The following PCDH15 variants were observed in gnomAD, a reference collection of about 807,000 sequenced individuals.
PCDH15 encodes protocadherin related 15, also known as protocadherin-15.
In PCDH15, 129 loss-of-function variants were observed where a neutral mutation model predicts 178.5. The observed-to-expected ratio is 0.72, with a 90% CI of 0.63 to 0.84. PCDH15 has a LOEUF of 0.84. Among genes scored for constraint, PCDH15 ranks in the 40% least tolerant of loss-of-function variants. The pLI, the probability that PCDH15 is intolerant of heterozygous loss-of-function variation, is 0.00. For missense variants in PCDH15, 2,230 were observed against 2,099.9 expected, an observed-to-expected ratio of 1.06 and a Z score of -1.21; for synonymous variants, 800 against 732.0, an observed-to-expected ratio of 1.09 and a Z score of -1.50.
At chr10:54,655,271 A>G (rs2094360119) in intron 2 of PCDH15, among the ~76,000 whole-genome samples, 1 of 115,702 alleles carries the variant, frequency 8.6e-6, no homozygotes, top group African/African-American at 3.3e-5. Context: ...AGAGAGAGAG[A>G]GAGAGAGAGA....
intron 16 of PCDH15, among the ~76,000 whole-genome samples, chr10:54,081,076 T>C (rs775705186): frequency 6.6e-6 from 1 of 152,150 alleles, no homozygotes; most frequent in Non-Finnish European, 1.5e-5. Flanking sequence ...GTATATTGTA[T>C]ATTTACGATG....
At chr10:54,942,604 CTT>C (rs1838092647) in intron 2 of PCDH15, among the ~76,000 whole-genome samples, 3 of 151,992 alleles carry the variant, frequency 2.0e-5, no homozygotes, top group Non-Finnish European at 4.4e-5. Flanking sequence ...CCTGGAATGA[CTT>C]ATCACAGCCA....
rs189652766 is a variant in PCDH15 at position 53,932,678 on chromosome 10, C to T, written c.3373+6137G>A. ...ACAAAGTCACTTCTAAATTTTAATT[C>T]GCGTGACCATTTTCAATTCTCCTCG... On this transcript the variant is annotated intron_variant, in intron 25 of 37. Coordinates refer to ENST00000644397, the MANE Select transcript of PCDH15 (RefSeq NM_001384140.1). Among the ~76,000 whole-genome samples the T allele has an allele frequency of 4.6e-5, 7 of 152,232 alleles. No homozygotes were observed. In the East Asian group the frequency reaches 9.7e-4, roughly 21 times the overall value.
chr10:54,302,602 T>C (rs2060207672), intron 8 of PCDH15, among the ~76,000 whole-genome samples: 2 of 152,152 alleles, frequency 1.3e-5, no homozygotes. Flanking sequence ...GGTGCCTTTA[T>C]CTTAGAATGC....
intron 2 of PCDH15, among the ~76,000 whole-genome samples, chr10:55,432,340 A>T (rs187084578): frequency 3.3e-5 from 5 of 152,314 alleles, no homozygotes; most frequent in Admixed American, 3.3e-4. Flanking sequence ...TATAGAAATG[A>T]TGTTTTAATA....
chr10:53,998,698 G>A (rs1407217993), intron 20 of PCDH15, among the ~76,000 whole-genome samples: 1 of 152,030 alleles, frequency 6.6e-6, no homozygotes, highest in Admixed American at 6.6e-5. Context: ...CTATAGAACA[G>A]TTTTTATTTA....
intron 26 of PCDH15, among the ~76,000 whole-genome samples, chr10:53,874,213 C>A (rs913628552): frequency 6.6e-6 from 1 of 152,034 alleles, no homozygotes; most frequent in Non-Finnish European, 1.5e-5. Flanking sequence ...AGGCAAGGCC[C>A]CAAGCCTACT....
chr10:54,475,610 CTTAT>C (rs1565370393), intron 3 of PCDH15, among the ~76,000 whole-genome samples: 2 of 151,892 alleles, frequency 1.3e-5, no homozygotes, highest in South Asian at 2.1e-4. Context: ...TGAAATATAT[CTTAT>C]TTATACATAT....
At chr10:54,592,786 C>T (rs11004398) in intron 2 of PCDH15, among the ~76,000 whole-genome samples, 4,868 of 152,142 alleles carry the variant, frequency 0.032, 261 homozygotes, top group African/African-American at 0.11. Flanking sequence ...CCATAATGGC[C>T]ACACCAATTT....
chr10:54,440,651 C>T (rs888808546), intron 3 of PCDH15, among the ~76,000 whole-genome samples: 44 of 151,804 alleles, frequency 2.9e-4, no homozygotes, highest in African/African-American at 8.0e-4. Flanking sequence ...ATAGGTTGTC[C>T]ATTAAAAAAC....
intron 1 of PCDH15, among the ~76,000 whole-genome samples, chr10:55,222,494 CTT>C (rs1840905685): frequency 6.6e-6 from 1 of 151,570 alleles, no homozygotes; most frequent in Non-Finnish European, 1.5e-5. Context: ...ATATGTCTGT[CTT>C]TTTATTTTTA....
At chr10:54,426,593 C>T (rs1208479749) in intron 3 of PCDH15, among the ~76,000 whole-genome samples, 1 of 152,062 alleles carries the variant, frequency 6.6e-6, no homozygotes, top group African/African-American at 2.4e-5. Flanking sequence ...CATTTGCACA[C>T]GTCTCTCATG....
At chr10:55,616,024 A>G (rs1012024008) in intron 2 of PCDH15, among the ~76,000 whole-genome samples, 1 of 152,224 alleles carries the variant, frequency 6.6e-6, no homozygotes, top group Non-Finnish European at 1.5e-5. Context: ...TGGAGTCACC[A>G]CTGACAATTG....
In PCDH15 at chr10:54,254,911, G is replaced by A. The variant is rs557864624; in HGVS notation, c.877-17980C>T. The stretch of plus-strand genomic sequence containing the variant: ...CTCAATTTGTCTTCAGAATTTCAAC[G>A]TAATTTTTTTTCTTTCTCCTTTCTG... On this transcript the variant is annotated intron_variant, in intron 8 of 37. Transcript: ENST00000644397. Among the ~76,000 whole-genome samples the A allele has an allele frequency of 3.3e-3, 258 of 78,512 alleles. 2 individuals are homozygous for A. Among genetic ancestry groups the A allele is most frequent in the African/African-American group, 9.6e-3 (233 of 24,260 alleles). The allele number at this position is 78,512 out of a possible 152,430, so 51.5% of individuals were successfully genotyped here.
chr10:54,270,228 T>C (rs879905437), intron 8 of PCDH15, among the ~76,000 whole-genome samples: 1 of 152,118 alleles, frequency 6.6e-6, no homozygotes, highest in Non-Finnish European at 1.5e-5. Context: ...ATTGAGTATA[T>C]AGATACTTCA....
chr10:55,303,095 A>G (rs1395337271), intron 1 of PCDH15, among the ~76,000 whole-genome samples: 2 of 152,070 alleles, frequency 1.3e-5, no homozygotes, highest in Non-Finnish European at 2.9e-5. Flanking sequence ...AGATATATAT[A>G]TATATATATA....
chr10:54,873,551 T>C (rs866368308), intron 3 of PCDH15, among the ~76,000 whole-genome samples: 14 of 81,110 alleles, frequency 1.7e-4, no homozygotes, highest in Admixed American at 7.3e-4. Flanking sequence ...TGTATGTGTA[T>C]ACATATACGT....
At chr10:53,822,776 T>C in intron 32 of PCDH15, 1 of 1,614,136 alleles carries the variant, frequency 6.2e-7, no homozygotes, top group Non-Finnish European at 8.5e-7. Flanking sequence ...TCAACTGTTC[T>C]GTTCCTTCTA....
chr10:54,273,241 T>C (rs935905648), intron 8 of PCDH15, among the ~76,000 whole-genome samples: 1 of 150,970 alleles, frequency 6.6e-6, no homozygotes. Context: ...ACAGTGAAAA[T>C]TACATAAAAA....
Sources: gnomAD v4.1 joint callset for allele counts (sites outside exome capture counted in the v4.1 genomes callset) on GRCh38, gnomAD v4.1.1 for gene constraint, MANE v1.5 for transcripts, NCBI Gene and HGNC (gene_info 2026-07-23, HGNC 2026-07-21) for gene names.